Variants in ST8SIA5 observed in about 807,000 individuals in gnomAD.
The protein encoded by ST8SIA5 is alpha-2,8-sialyltransferase 8E.
ST8SIA5 carries 24 observed loss-of-function variants against 40.2 expected under a neutral mutation model. That is an observed-to-expected ratio of 0.60 (90% CI 0.43 to 0.84). The LOEUF is 0.84. Ranked by LOEUF, ST8SIA5 falls within the 40% of genes least tolerant of loss-of-function variation. The probability of loss-of-function intolerance (pLI) is 0.00; values close to 1 mark genes in which losing one functional copy is unlikely to be tolerated. For missense variants in ST8SIA5, 465 were observed against 498.5 expected (o/e 0.93, Z 0.64); for synonymous variants, 198 against 201.8 (o/e 0.98, Z 0.16).
Position 46,676,544 on chromosome 18 carries a change from C to G in ST8SIA5, c.*3498G>C, listed in dbSNP as rs1225039014. Reference sequence around the variant, plus strand: ...CAAGGGCGATGAGCACATGCTGTCTCTGGGCACCAGGTGATTAGTGGGCAG... The same window carrying G: ...CAAGGGCGATGAGCACATGCTGTCTGTGGGCACCAGGTGATTAGTGGGCAG... On this transcript the variant is annotated 3_prime_UTR_variant, in exon 7 of 7. Transcript: ENST00000315087. 6.6e-6 allele frequency: 1 copy of G among 152,286 alleles called. No individual in the cohort carries two copies. The highest frequency in any genetic ancestry group is 2.4e-5 in the African/African-American group (1 of 41,464). 9.4% of individuals were successfully genotyped at this position (152,286 alleles called of 1,614,324 possible).
intron 1 of ST8SIA5, among the ~76,000 whole-genome samples, chr18:46,746,840 C>G (rs977556171): frequency 4.0e-5 from 6 of 151,384 alleles, no homozygotes; most frequent in African/African-American, 1.5e-4. Flanking sequence ...CTACAGTAAC[C>G]AAAACAGCAT....
At position 46,749,697 on chromosome 18, in the gene ST8SIA5, C is replaced by G. The variant is rs562794530; in HGVS notation, c.131+6681G>C. On this transcript the variant is annotated intron_variant, in intron 1 of 6. Transcript: ENST00000315087. Reference sequence around the variant, plus strand: ...AAAAGATAATTTGTACGATAATAAACATTTTACATAGTTTTTAAATAGTTA... The same window carrying G: ...AAAAGATAATTTGTACGATAATAAAGATTTTACATAGTTTTTAAATAGTTA... 5.3e-5 allele frequency among the ~76,000 whole-genome samples: 8 copies of G among 152,260 alleles called. No homozygotes were observed. The South Asian group carries it at 1.7e-3, about 32-fold the overall frequency.
chr18:46,683,847 C>A lies in ST8SIA5; in HGVS notation c.570-1783G>T, dbSNP rs529273945. Among the ~76,000 whole-genome samples the A allele has an allele frequency of 5.3e-5, 8 of 152,236 alleles. No individual in the cohort carries two copies. In the South Asian group the frequency reaches 1.7e-3, roughly 32 times the overall value. ...ATGAGACATCAATAACCTTGGGTGGCAGATATTAGGCTCACTGTGTTGCAA... is the reference window on the plus strand; with the variant it reads ...ATGAGACATCAATAACCTTGGGTGGAAGATATTAGGCTCACTGTGTTGCAA... On this transcript the variant is annotated intron_variant, in intron 5 of 6. Transcript: ENST00000315087.
At chr18:46,723,242 G>A (rs577760407) in intron 1 of ST8SIA5, 3 of 153,360 alleles carry the variant, frequency 2.0e-5, no homozygotes, top group East Asian at 3.8e-4. Context: ...AATCATGGAT[G>A]TGGAATATTT....
chr18:46,676,083 G>A lies in ST8SIA5; in HGVS notation c.*3959C>T, dbSNP rs994667017. 6.6e-6 allele frequency: 1 copy of A among 152,044 alleles called. No individual in the cohort carries two copies. Among genetic ancestry groups the A allele is most frequent in the African/African-American group, 2.4e-5 (1 of 41,376 alleles). The allele number at this position is 152,044 out of a possible 1,614,324, so 9.4% of individuals were successfully genotyped here. ...ACAAACAAACAAAAAAGACCAGAGAGGCCAACCTTGTCAAATGTTACACGG... is the reference window on the plus strand; with the variant it reads ...ACAAACAAACAAAAAAGACCAGAGAAGCCAACCTTGTCAAATGTTACACGG... On this transcript the variant is annotated 3_prime_UTR_variant, in exon 7 of 7. Transcript: ENST00000315087.
intron 1 of ST8SIA5, among the ~76,000 whole-genome samples, chr18:46,742,069 C>T (rs1274591202): frequency 6.6e-6 from 1 of 151,694 alleles, no homozygotes; most frequent in African/African-American, 2.4e-5. Context: ...GCCACTGCAT[C>T]CAGCCTGGGT....
At chr18:46,705,321 G>T (rs2039659705) in intron 1 of ST8SIA5, among the ~76,000 whole-genome samples, 1 of 152,200 alleles carries the variant, frequency 6.6e-6, no homozygotes, top group Non-Finnish European at 1.5e-5. Flanking sequence ...CCACCTCAGG[G>T]TCCCTCTGCC....
intron 1 of ST8SIA5, among the ~76,000 whole-genome samples, chr18:46,742,441 G>A (rs2040096459): frequency 7.0e-6 from 1 of 143,404 alleles, no homozygotes; most frequent in Admixed American, 7.0e-5. Context: ...AAAAAAAATA[G>A]CAGAATTGGA....
chr18:46,742,922 C>A (rs546659627), intron 1 of ST8SIA5, among the ~76,000 whole-genome samples: 2 of 152,356 alleles, frequency 1.3e-5, no homozygotes, highest in African/African-American at 2.4e-5. Flanking sequence ...GATACCCAGG[C>A]AAACAGGGTC....
rs377360648 is a variant in ST8SIA5, at chr18:46,719,855, T to C, written c.132-15191A>G. 3.1e-4 allele frequency among the ~76,000 whole-genome samples: 47 copies of C among 151,562 alleles called. 1 individual carries two copies. In the East Asian group the frequency reaches 5.4e-3, roughly 18 times the overall value. On this transcript the variant is annotated intron_variant, in intron 1 of 6. Coordinates refer to ENST00000315087, the MANE Select transcript of ST8SIA5 (RefSeq NM_013305.6). Reference sequence around the variant, plus strand: ...CTTTCTTTCTCTCTCTCTTTCTTTTTTTTGACAGGGTTTCACTCTGTCACT... The same window carrying C: ...CTTTCTTTCTCTCTCTCTTTCTTTTCTTTGACAGGGTTTCACTCTGTCACT...
At chr18:46,720,423 C>T (rs753095724) in intron 1 of ST8SIA5, among the ~76,000 whole-genome samples, 8 of 152,180 alleles carry the variant, frequency 5.3e-5, no homozygotes, top group East Asian at 1.9e-4. Flanking sequence ...CCCACACCCT[C>T]GGGCATGTCT....
intron 1 of ST8SIA5, among the ~76,000 whole-genome samples, chr18:46,737,512 C>T (rs955941243): frequency 6.6e-6 from 1 of 152,178 alleles, no homozygotes; most frequent in Non-Finnish European, 1.5e-5. Context: ...GGATTCCCTT[C>T]GTATGAATCC....
chr18:46,715,603 G>A (rs938470744), intron 1 of ST8SIA5, among the ~76,000 whole-genome samples: 4 of 151,450 alleles, frequency 2.6e-5, no homozygotes, highest in African/African-American at 7.3e-5. Flanking sequence ...CTGTCACCCA[G>A]GCTGGAGTAC....
rs1254024486 is a variant in ST8SIA5, at chr18:46,756,643, CAA to C, written c.-137_-136del. 2 of 1,104,282 alleles carry C rather than the reference CAA, an allele frequency of 1.8e-6. No homozygotes were observed. Among genetic ancestry groups the C allele is most frequent in the Admixed American group, 3.1e-5 (1 of 32,606 alleles). The allele number at this position is 1,104,282 out of a possible 1,614,324, so 68.4% of individuals were successfully genotyped here. ...CAGGCAGGCGGGGGACTTCGAGGGG[CAA>C]AGTTTCTGGTTGGCGCGGCCGGAGC... On this transcript the variant is annotated 5_prime_UTR_variant, in exon 1 of 7. The change abolishes the stop of an existing upstream ORF in the 5' untranslated region. Coordinates refer to ENST00000315087, the MANE Select transcript of ST8SIA5 (RefSeq NM_013305.6).
chr18:46,738,251 C>CAAAA (rs10645121), intron 1 of ST8SIA5, among the ~76,000 whole-genome samples: 4 of 138,890 alleles, frequency 2.9e-5, no homozygotes, highest in African/African-American at 5.4e-5. Context: ...ATAGAAATGT[C>CAAAA]AAAAAAAAAA....
chr18:46,737,325 C>A (rs9675666), intron 1 of ST8SIA5, among the ~76,000 whole-genome samples: 2 of 152,064 alleles, frequency 1.3e-5, no homozygotes. Flanking sequence ...CACAAAATTG[C>A]GAGTTTATTT....
At chr18:46,752,145 C>T (rs115602269) in intron 1 of ST8SIA5, among the ~76,000 whole-genome samples, 2 of 152,182 alleles carry the variant, frequency 1.3e-5, no homozygotes, top group African/African-American at 2.4e-5. Flanking sequence ...TCGGTTTCAT[C>T]CCCCTTCCTT....
chr18:46,718,625 C>T (rs1189898449), intron 1 of ST8SIA5, among the ~76,000 whole-genome samples: 1 of 151,958 alleles, frequency 6.6e-6, no homozygotes, highest in East Asian at 1.9e-4. Flanking sequence ...GCCTGTGGCT[C>T]CTGCTTGAGT....
intron 1 of ST8SIA5, among the ~76,000 whole-genome samples, chr18:46,722,009 C>A (rs931886558): frequency 1.3e-5 from 2 of 152,114 alleles, no homozygotes; most frequent in African/African-American, 4.8e-5. Context: ...ACATGCATGT[C>A]GGGAGAAGGC....
Sources: allele counts gnomAD v4.1 joint callset (sites outside exome capture counted in the v4.1 genomes callset), GRCh38; gene constraint gnomAD v4.1.1; transcripts MANE v1.5; gene names NCBI Gene and HGNC (gene_info 2026-07-23, HGNC 2026-07-21).